Variants in NLGN4X observed in about 807,000 individuals in gnomAD.
NLGN4X encodes neuroligin-4, X-linked.
A neutral mutation model predicts 40.3 loss-of-function variants in NLGN4X; 3 were observed. That is an observed-to-expected ratio of 0.07 (90% CI 0.03 to 0.19). The LOEUF is 0.19. Among genes scored for constraint, NLGN4X ranks in the 10% least tolerant of loss-of-function variants. NLGN4X has a pLI of 1.00. For synonymous variants in NLGN4X, 270 were observed against 306.8 expected, an observed-to-expected ratio of 0.88 and a Z score of 1.25; for missense variants, 382 against 708.3, an observed-to-expected ratio of 0.54 and a Z score of 5.23.
chrX:5,991,486 C>T (rs867234575), intron 3 of NLGN4X: 3 of 518,561 alleles, frequency 5.8e-6, no homozygotes, highest in African/African-American at 4.6e-5. Flanking sequence ...CAGCTGACAA[C>T]GATGCTTGCA....
chrX:6,179,137 C>T (rs1921152150), intron 1 of NLGN4X, among the ~76,000 whole-genome samples: 1 of 28,702 alleles, frequency 3.5e-5, no homozygotes, highest in African/African-American at 2.1e-4. Context: ...GAATTCTAAG[C>T]ATCTATTGAC....
intron 3 of NLGN4X, among the ~76,000 whole-genome samples, chrX:5,910,167 T>A (rs1381108190): frequency 8.9e-6 from 1 of 111,745 alleles, no homozygotes; most frequent in Non-Finnish European, 1.9e-5. Flanking sequence ...TGTTTTGAAG[T>A]CAAGTTTGGG....
At chrX:6,159,010 G>A (rs1239625895) in intron 1 of NLGN4X, among the ~76,000 whole-genome samples, 1 of 112,325 alleles carries the variant, frequency 8.9e-6, no homozygotes, top group Non-Finnish European at 1.9e-5. Context: ...ATAAATAAAT[G>A]TTGGCATATT....
intron 3 of NLGN4X, among the ~76,000 whole-genome samples, chrX:5,915,095 G>T (rs1336997599): frequency 8.9e-6 from 1 of 112,335 alleles, no homozygotes. Flanking sequence ...ACTTAAAAAT[G>T]GAATGAGTAC....
At chrX:6,169,186 G>T (rs2040555506) in intron 1 of NLGN4X, among the ~76,000 whole-genome samples, 1 of 111,960 alleles carries the variant, frequency 8.9e-6, no homozygotes, top group South Asian at 3.8e-4. Context: ...CAAAGGATAA[G>T]ATCATGTCAC....
chrX:6,203,527 C>T (rs1426937366), intron 1 of NLGN4X, among the ~76,000 whole-genome samples: 1 of 112,460 alleles, frequency 8.9e-6, no homozygotes, highest in African/African-American at 3.2e-5. Flanking sequence ...CCTCCAAGAT[C>T]AAGTTCTAAG....
chrX:6,052,235 GAA>G (rs1460082201), intron 2 of NLGN4X, among the ~76,000 whole-genome samples: 1 of 111,758 alleles, frequency 8.9e-6, no homozygotes, highest in Non-Finnish European at 1.9e-5. Context: ...CACTGAGGAG[GAA>G]ATCCAGCTCA....
chrX:5,995,706 T>G (rs893489780), intron 3 of NLGN4X, among the ~76,000 whole-genome samples: 2 of 112,078 alleles, frequency 1.8e-5, no homozygotes, highest in African/African-American at 6.5e-5. Flanking sequence ...ATGCCATGTT[T>G]GAGGGGCCAT....
At chrX:5,951,163 C>T (rs1410743139) in intron 3 of NLGN4X, among the ~76,000 whole-genome samples, 1 of 111,692 alleles carries the variant, frequency 9.0e-6, no homozygotes, top group African/African-American at 3.3e-5. Context: ...GTACTACCTG[C>T]CTCAAATTCT....
rs767649195 is a variant in NLGN4X, at chrX:5,905,741, G to A, written c.812-1875C>T. Among the ~76,000 whole-genome samples, 19 of 112,078 alleles carry A rather than the reference G, an allele frequency of 1.7e-4. 1 individual carries two copies. The highest frequency in any genetic ancestry group is 1.5e-4 in the Non-Finnish European group (8 of 53,136). On this transcript the variant is annotated intron_variant, in intron 4 of 5. Coordinates refer to ENST00000381095, the MANE Select transcript of NLGN4X (RefSeq NM_181332.3). ...GCTACCCAGGCTGGAGTGCAGTGGC[G>A]GGATCTTGGCTCGCTGGAGCCTCTG...
chrX:6,084,594 G>A (rs1473913725), intron 2 of NLGN4X, among the ~76,000 whole-genome samples: 1 of 111,769 alleles, frequency 8.9e-6, no homozygotes, highest in African/African-American at 3.3e-5. Context: ...GAGTGTAAAT[G>A]GGTTGTCCTA....
intron 2 of NLGN4X, among the ~76,000 whole-genome samples, chrX:6,047,173 A>C (rs1442772024): frequency 9.0e-6 from 1 of 111,347 alleles, no homozygotes; most frequent in Non-Finnish European, 1.9e-5. Flanking sequence ...ACATCGTGAC[A>C]GTGAACCAGT....
At chrX:6,219,136 CGTATATAT>C (rs1925371160) in intron 1 of NLGN4X, among the ~76,000 whole-genome samples, 1 of 91,110 alleles carries the variant, frequency 1.1e-5, no homozygotes, top group African/African-American at 3.8e-5. Flanking sequence ...TACATATATA[CGTATATAT>C]ATGTATGTGT....
chrX:6,108,205 T>C (rs2046327612), intron 2 of NLGN4X, among the ~76,000 whole-genome samples: 1 of 112,205 alleles, frequency 8.9e-6, no homozygotes, highest in Admixed American at 9.5e-5. Context: ...GTGACAGGTG[T>C]GTAGCCAAAT....
chrX:6,111,030 C>T (rs2039136948), intron 2 of NLGN4X, among the ~76,000 whole-genome samples: 1 of 111,530 alleles, frequency 9.0e-6, no homozygotes, highest in South Asian at 3.8e-4. Context: ...CGAACCCTAA[C>T]CCTAAAAGAC....
intron 3 of NLGN4X, among the ~76,000 whole-genome samples, chrX:6,011,625 C>T (rs1355107142): frequency 9.0e-6 from 1 of 110,498 alleles, no homozygotes; most frequent in Non-Finnish European, 1.9e-5. Context: ...TCCTATAATC[C>T]ATGGCCTAAA....
chrX:5,997,893 AG>A (rs1458936173), intron 3 of NLGN4X, among the ~76,000 whole-genome samples: 3 of 110,982 alleles, frequency 2.7e-5, no homozygotes, highest in African/African-American at 6.6e-5. Flanking sequence ...GTCAGTAGTT[AG>A]AACTCCCATC....
chrX:6,034,876 T>A lies in NLGN4X; in HGVS notation c.473-5444A>T, dbSNP rs6639586. ...GGCATGCACCACTATTCCTGTTTAATTTTTGTATTTTTAGTAGACATGGGT... is the reference window on the plus strand; with the variant it reads ...GGCATGCACCACTATTCCTGTTTAAATTTTGTATTTTTAGTAGACATGGGT... On this transcript the variant is annotated intron_variant, in intron 2 of 5. Coordinates refer to ENST00000381095, the MANE Select transcript of NLGN4X (RefSeq NM_181332.3). Among the ~76,000 whole-genome samples the A allele has an allele frequency of 1.9e-3, 208 of 110,840 alleles. 11 individuals are homozygous for A. In the East Asian group the frequency reaches 0.048, roughly 26 times the overall value.
rs2040463760 is a variant in NLGN4X at position 6,164,661 on chromosome X, C to T, written c.-305-12890G>A. ...AGGAGCTTCATAACCACTGCCCATA[C>T]CTCTCCTAATGAACTGTGCAATATC... On this transcript the variant is annotated intron_variant, in intron 1 of 5. Transcript: ENST00000381095. Among the ~76,000 whole-genome samples the T allele has an allele frequency of 2.7e-5, 3 of 111,478 alleles. No homozygotes were observed. In the South Asian group the frequency reaches 1.1e-3, roughly 43 times the overall value.
Sources: allele counts gnomAD v4.1 joint callset (sites outside exome capture counted in the v4.1 genomes callset), GRCh38; gene constraint gnomAD v4.1.1; transcripts MANE v1.5; gene names NCBI Gene and HGNC (gene_info 2026-07-23, HGNC 2026-07-21).